COL13A1: variants seen among roughly 807,000 people sequenced by gnomAD.
COL13A1 encodes collagen alpha-1(XIII) chain.
Under a neutral mutation model 130.9 loss-of-function variants are expected in COL13A1, and 89 were observed. That is an observed-to-expected ratio of 0.68 (90% CI 0.57 to 0.81). The LOEUF is 0.81. COL13A1 is among the 30% of genes least tolerant of loss of function. The pLI is 0.00. For missense variants in COL13A1, 879 were observed against 934.6 expected (o/e 0.94, Z 0.78); for synonymous variants, 402 against 341.6 (o/e 1.18, Z -1.95).
intron 29 of COL13A1, 59 bp from the exon 30 acceptor site, chr10:69,930,341 C>A (rs954449770): frequency 6.7e-7 from 1 of 1,485,532 alleles, no homozygotes; most frequent in Non-Finnish European, 9.1e-7. Flanking sequence ...TACTCTCTCT[C>A]CCTCTCTCCT....
chr10:69,821,702 C>A (rs1226521127), intron 1 of COL13A1, among the ~76,000 whole-genome samples: 2 of 152,158 alleles, frequency 1.3e-5, no homozygotes, highest in African/African-American at 4.8e-5. Flanking sequence ...GCAGTGTAAG[C>A]CTGCAGAGTT....
intron 38 of COL13A1, among the ~76,000 whole-genome samples, chr10:69,950,116 A>T (rs1468242134): frequency 6.6e-6 from 1 of 151,672 alleles, no homozygotes; most frequent in Non-Finnish European, 1.5e-5. Flanking sequence ...TCATTCCGTT[A>T]TAATAGTCCC....
chr10:69,890,529 G>T (rs2061071678), intron 10 of COL13A1, among the ~76,000 whole-genome samples: 1 of 152,224 alleles, frequency 6.6e-6, no homozygotes, highest in East Asian at 1.9e-4. Context: ...GTTCAGTGGG[G>T]GCCTGGCTCA....
intron 2 of COL13A1, among the ~76,000 whole-genome samples, chr10:69,839,899 A>T (rs1851140059): frequency 1.3e-5 from 2 of 152,230 alleles, no homozygotes; most frequent in Non-Finnish European, 2.9e-5. Flanking sequence ...AGGAAGCCAC[A>T]GGAAGGTTTT....
intron 17 of COL13A1, among the ~76,000 whole-genome samples, chr10:69,907,924 C>A (rs1415050129): frequency 1.3e-5 from 2 of 152,256 alleles, no homozygotes; most frequent in African/African-American, 4.8e-5. Context: ...CCTCTCAACA[C>A]TGTTGCATTG....
chr10:69,942,567 C>T (rs918799660), intron 35 of COL13A1, among the ~76,000 whole-genome samples: 1 of 151,616 alleles, frequency 6.6e-6, no homozygotes, highest in African/African-American at 2.4e-5. Flanking sequence ...AAATCAGTAT[C>T]CTAACTTTAA....
chr10:69,860,833 GCTCA>G (rs1277192781), intron 2 of COL13A1: 1 of 171,604 alleles, frequency 5.8e-6, no homozygotes, highest in Admixed American at 6.5e-5. Context: ...CCCTCTGCCT[GCTCA>G]AACTGTCTCA....
intron 2 of COL13A1, among the ~76,000 whole-genome samples, chr10:69,848,047 G>C (rs1358724640): frequency 6.6e-6 from 1 of 152,212 alleles, no homozygotes; most frequent in Admixed American, 6.5e-5. Flanking sequence ...CTAGAATGGG[G>C]GTTGTCTGGC....
intron 10 of COL13A1, among the ~76,000 whole-genome samples, chr10:69,892,866 C>T (rs1388003012): frequency 6.6e-6 from 1 of 152,166 alleles, no homozygotes; most frequent in Non-Finnish European, 1.5e-5. Context: ...CCTATGAAGA[C>T]CACGATTGTC....
intron 24 of COL13A1, among the ~76,000 whole-genome samples, chr10:69,924,355 G>C (rs991408478): frequency 1.3e-5 from 2 of 152,054 alleles, no homozygotes; most frequent in Non-Finnish European, 2.9e-5. Flanking sequence ...ACTGCGCTTG[G>C]TTTTTCACAA....
At chr10:69,826,222 G>A (rs1847449054) in intron 2 of COL13A1, among the ~76,000 whole-genome samples, 1 of 152,222 alleles carries the variant, frequency 6.6e-6, no homozygotes. Flanking sequence ...CTGGGGCTGG[G>A]TGGGGCTGGC....
Position 69,930,554 on chromosome 10 carries a change from T to G in COL13A1, c.1683+2T>G. 6.2e-7 allele frequency: 1 copy of G among 1,612,412 alleles called. No homozygotes were observed. Among genetic ancestry groups the G allele is most frequent in the South Asian group, 1.1e-5 (1 of 90,878 alleles). The stretch of plus-strand genomic sequence containing the variant: ...GAGACAGGACAAGCAGGCTCACCGG[T>G]GAGTGGCAGGGCTGGCTGCCCTTCC... On this transcript the variant is annotated splice_donor_variant, in intron 30 of 40. Transcript: ENST00000645393. LOFTEE classifies it high-confidence loss of function.
At chr10:69,832,492 G>A (rs550362366) in intron 2 of COL13A1, among the ~76,000 whole-genome samples, 40 of 152,312 alleles carry the variant, frequency 2.6e-4, no homozygotes, top group African/African-American at 8.2e-4. Flanking sequence ...AATATTTGGC[G>A]GACCTCGTGG....
intron 36 of COL13A1, among the ~76,000 whole-genome samples, chr10:69,944,841 T>G (rs2068231998): frequency 6.6e-6 from 1 of 152,174 alleles, no homozygotes; most frequent in East Asian, 1.9e-4. Flanking sequence ...GCCTAAACTT[T>G]GTAATGATTT....
intron 17 of COL13A1, among the ~76,000 whole-genome samples, chr10:69,908,782 C>G (rs1007660414): frequency 2.6e-5 from 4 of 152,184 alleles, no homozygotes; most frequent in African/African-American, 9.7e-5. Context: ...TTCCGGTCCC[C>G]AGGAAGCGGG....
intron 34 of COL13A1, 132 bp from the exon 35 acceptor site, chr10:69,940,856 G>T: frequency 8.1e-7 from 1 of 1,228,202 alleles, no homozygotes; most frequent in South Asian, 1.4e-5. Flanking sequence ...TTCTCCAGTT[G>T]TGTTTGATTA....
At chr10:69,825,744 C>T (rs970857737) in intron 2 of COL13A1, among the ~76,000 whole-genome samples, 1 of 152,216 alleles carries the variant, frequency 6.6e-6, no homozygotes, top group South Asian at 2.1e-4. Context: ...GGGCCCTGGG[C>T]GGCACCCAGA....
intron 36 of COL13A1, 148 bp from the exon 37 acceptor site, chr10:69,945,523 G>T: frequency 9.4e-7 from 1 of 1,060,766 alleles, no homozygotes; most frequent in East Asian, 2.7e-5. Context: ...CGCATCAGCA[G>T]CACCCCACCT....
At chr10:69,808,014 T>C (rs989601599) in intron 1 of COL13A1, among the ~76,000 whole-genome samples, 21 of 152,228 alleles carry the variant, frequency 1.4e-4, no homozygotes, top group Admixed American at 1.4e-3. Flanking sequence ...CGGTTGGTGT[T>C]CAAGACGAAA....
Sources: gnomAD v4.1 joint callset for allele counts (sites outside exome capture counted in the v4.1 genomes callset) on GRCh38, gnomAD v4.1.1 for gene constraint, MANE v1.5 for transcripts, NCBI Gene and HGNC (gene_info 2026-07-23, HGNC 2026-07-21) for gene names.